CLEC10A: variants seen among roughly 807,000 people sequenced by gnomAD.
CLEC10A encodes C-type lectin domain family 10 member A.
A neutral mutation model predicts 42.0 loss-of-function variants in CLEC10A; 38 were observed. The ratio of observed to expected loss-of-function variants is 0.90; its 90% CI spans 0.70 to 1.18. The LOEUF (loss-of-function observed/expected upper bound fraction) is 1.18, where lower values mean the gene tolerates loss of function less well. Among genes scored for constraint, CLEC10A ranks in the 50% most tolerant of loss-of-function variants. CLEC10A has a pLI of 0.00. For synonymous variants in CLEC10A, 126 were observed against 139.9 expected, an observed-to-expected ratio of 0.90 and a Z score of 0.70; for missense variants, 298 against 345.9, an observed-to-expected ratio of 0.86 and a Z score of 1.10.
At chr17:7,075,312 G>A in intron 8 of CLEC10A, 48 bp downstream of exon 8, 3 of 1,506,526 alleles carry the variant, frequency 2.0e-6, no homozygotes, top group South Asian at 1.4e-5. Context: ...GATCCCTGGG[G>A]GAAACGCTGA....
intron 5 of CLEC10A, 107 bp downstream of exon 5, chr17:7,076,626 C>G (rs928662101): frequency 5.3e-6 from 7 of 1,313,200 alleles, no homozygotes; most frequent in Non-Finnish European, 7.7e-6. Flanking sequence ...TGCTGCCTTT[C>G]AAGCTGCTGG....
intron 3 of CLEC10A, 86 bp from the exon 4 acceptor site, chr17:7,077,073 T>C: frequency 3.2e-6 from 3 of 939,156 alleles, no homozygotes; most frequent in Non-Finnish European, 5.2e-6. Context: ...AAGCATTGCC[T>C]TATTGGGTCC....
At chr17:7,077,284 C>CG (rs1567745406) in intron 3 of CLEC10A, among the ~76,000 whole-genome samples, 2 of 112,784 alleles carry the variant, frequency 1.8e-5, no homozygotes, top group Non-Finnish European at 3.7e-5. Flanking sequence ...TCAGTGCCCC[C>CG]CCACCATTCC....
intron 2 of CLEC10A, 97 bp downstream of exon 2, chr17:7,078,649 C>T: frequency 1.7e-6 from 2 of 1,182,866 alleles, no homozygotes; most frequent in South Asian, 2.5e-5. Context: ...AGAGTTAGGA[C>T]CCACCAGTGC....
chr17:7,077,965 C>T, intron 3 of CLEC10A, 32 bp downstream of exon 3: 5 of 1,514,256 alleles, frequency 3.3e-6, no homozygotes, highest in Non-Finnish European at 4.6e-6. Context: ...CCCATTATTT[C>T]TCTCTTCCCT....
At position 7,075,405 on chromosome 17, in the gene CLEC10A, C is replaced by G; in HGVS notation, c.656G>C (p.Gly219Ala). 1 of 1,522,488 alleles carries G rather than the reference C, an allele frequency of 6.6e-7. No homozygotes were observed. Among genetic ancestry groups the G allele is most frequent in the Non-Finnish European group, 8.8e-7 (1 of 1,138,474 alleles). 94.3% of individuals were successfully genotyped at this position (1,522,488 alleles called of 1,614,324 possible). A position where few individuals can be genotyped will look rare whatever the true frequency, so the allele number is the denominator to read the frequency against. ...TGTTCCATCCACCCACTTCCAGGCT[C>G]CTTCAGGGTCACTGAGGCCCATCCA... The part of the protein sequence containing the change: ...YTWMGLSDPE[G>A]AWKWVDGTDY... Residue 219 changes from glycine (G) to alanine (A), a missense_variant, in exon 8 of 9, where the codon GGA (glycine) becomes GCA (alanine). Physicochemically the swap from Gly to Ala is moderately conservative, Grantham distance 60. Around this residue, in one of 3 missense-constraint regions of CLEC10A, gnomAD observed 267 missense variants for 289.5 expected, o/e 0.92. Transcript: ENST00000416562.
In CLEC10A at chr17:7,078,899, G is replaced by A. The variant is rs192519886; in HGVS notation, c.-73-14C>T. ...TCTGGGGTGGAGCTGGGGAATAGGA[G>A]GTTGGGACTAAGTTGGAGCCAAGGG... On this transcript the variant is annotated splice_polypyrimidine_tract_variant and intron_variant, in intron 1 of 8. Transcript: ENST00000416562. 1 of 1,286,048 alleles carries A rather than the reference G, an allele frequency of 7.8e-7. No homozygotes were observed. The highest frequency in any genetic ancestry group is 2.3e-5 in the East Asian group (1 of 43,316). The allele number at this position is 1,286,048 out of a possible 1,614,324, so 79.7% of individuals were successfully genotyped here. A position where few individuals can be genotyped will look rare whatever the true frequency, so the allele number is the denominator to read the frequency against.
intron 5 of CLEC10A, 39 bp downstream of exon 5, chr17:7,076,694 C>T (rs924443992): frequency 2.5e-6 from 4 of 1,604,238 alleles, no homozygotes; most frequent in East Asian, 4.5e-5. Flanking sequence ...TGTGTCTGAG[C>T]GCCTAGCCCC....
rs199974072 is a variant in CLEC10A at position 7,078,099 on chromosome 17, G to A, written c.82C>T (p.Gln28Ter). Residue 28 changes from glutamine (Q) to a stop codon, truncating the protein, a stop_gained, in exon 3 of 9, where the codon CAG becomes TAG. Transcript: ENST00000416562. LOFTEE classifies it high-confidence loss of function. ...GAGCAGAGACGCTGCAGGAGGGACT[G>A]GAGAGGAAGTGGCCCTGCAAGAGGA... The part of the protein sequence containing the change: ...QGFKNGPLPL[Q>*]SLLQRLCSGP... 1.1e-4 allele frequency: 172 copies of A among 1,613,116 alleles called. No homozygotes were observed. Among genetic ancestry groups the A allele is most frequent in the Non-Finnish European group, 1.2e-4 (146 of 1,179,396 alleles).
At position 7,075,976 on chromosome 17, in the gene CLEC10A, C is replaced by T; in HGVS notation, c.439+9G>A. 6.2e-7 allele frequency: 1 copy of T among 1,614,106 alleles called. No homozygotes were observed. The highest frequency in any genetic ancestry group is 8.5e-7 in the Non-Finnish European group (1 of 1,179,972). On this transcript the variant is annotated intron_variant, in intron 6 of 8. Transcript: ENST00000416562. ...AAGTAGGGCCAGGTACTCCCCATACCTTCCTCACCATTGTTGTTGAGAGTA... is the reference window on the plus strand; with the variant it reads ...AAGTAGGGCCAGGTACTCCCCATACTTTCCTCACCATTGTTGTTGAGAGTA...
At position 7,075,087 on chromosome 17, in the gene CLEC10A, A is replaced by G; in HGVS notation, c.837T>C (p.Ala279=). 1 of 1,594,452 alleles carries G rather than the reference A, an allele frequency of 6.3e-7. No homozygotes were observed. The highest frequency in any genetic ancestry group is 8.5e-7 in the Non-Finnish European group (1 of 1,174,554). ...TCTCCTGGCTGGTCTGACCCAGGCCAGCCTCGCAGACCCAGTGGTAGGGCC... is the reference window on the plus strand; with the variant it reads ...TCTCCTGGCTGGTCTGACCCAGGCCGGCCTCGCAGACCCAGTGGTAGGGCC... ...CQRPYHWVCE[A]GLGQTSQESH is the part of the protein sequence containing the mutation. Residue 279 remains alanine, a synonymous_variant, in exon 9 of 9, where the codon GCT becomes GCC. Transcript: ENST00000416562.
chr17:7,077,108 A>G, intron 3 of CLEC10A, 121 bp from the exon 4 acceptor site: 1 of 706,334 alleles, frequency 1.4e-6, no homozygotes, highest in Non-Finnish European at 2.5e-6. Flanking sequence ...TGGGGCAGGC[A>G]CTATTATTGT....
chr17:7,074,909 T>C lies in CLEC10A; in HGVS notation c.*145A>G. The C allele has an allele frequency of 1.8e-6, 1 of 559,378 alleles. No individual in the cohort carries two copies. The highest frequency in any genetic ancestry group is 5.9e-5 in the South Asian group (1 of 16,840). The allele number at this position is 559,378 out of a possible 1,614,324, so 34.7% of individuals were successfully genotyped here. ...GAACACTATACCATCTTTTTAAAATTAAAGAGAAAAAAATTCAAAATGTTA... is the reference window on the plus strand; with the variant it reads ...GAACACTATACCATCTTTTTAAAATCAAAGAGAAAAAAATTCAAAATGTTA... On this transcript the variant is annotated 3_prime_UTR_variant, in exon 9 of 9. Transcript: ENST00000416562.
chr17:7,075,280 G>A (rs1942056561), intron 8 of CLEC10A, 58 bp from the exon 9 acceptor site: 2 of 1,508,118 alleles, frequency 1.3e-6, no homozygotes, highest in Non-Finnish European at 1.8e-6. Context: ...ATTCAGTTCA[G>A]GGGAGGAGAG....
chr17:7,078,031 CAGG>C lies in CLEC10A; in HGVS notation c.147_149del (p.Leu52del), dbSNP rs761615233. On this transcript the variant is annotated inframe_deletion, in exon 3 of 9. Transcript: ENST00000416562. Reference sequence around the variant, plus strand: ...CAACCACACAGATGATGACCAGCAGCAGGAGGCCGAGGCCCAGGGACAGCAGGA... The same window carrying C: ...CAACCACACAGATGATGACCAGCAGCAGGCCGAGGCCCAGGGACAGCAGGA... The C allele has an allele frequency of 5.6e-6, 9 of 1,612,450 alleles. No individual in the cohort carries two copies. Among genetic ancestry groups the C allele is most frequent in the Non-Finnish European group, 7.6e-6 (9 of 1,178,856 alleles).
intron 3 of CLEC10A, 63 bp downstream of exon 3, chr17:7,077,934 A>G (rs1267694739): frequency 1.6e-6 from 2 of 1,266,536 alleles, no homozygotes; most frequent in East Asian, 2.3e-5. Flanking sequence ...CTACTGTAGC[A>G]CCCCATTATT....
chr17:7,076,693 G>A, intron 5 of CLEC10A, 40 bp downstream of exon 5: 1 of 1,605,820 alleles, frequency 6.2e-7, no homozygotes, highest in Non-Finnish European at 8.5e-7. Context: ...CTGTGTCTGA[G>A]CGCCTAGCCC....
chr17:7,078,016 G>T lies in CLEC10A; in HGVS notation c.165C>A (p.Ile55=), dbSNP rs139902883. ...LGLGLLLLVI[I]CVVGFQNSKF... The stretch of plus-strand genomic sequence containing the variant: ...CCTCACTTTGGAATCCAACCACACA[G>T]ATGATGACCAGCAGCAGGAGGCCGA... Residue 55 remains isoleucine (I), a synonymous_variant, in exon 3 of 9, where the codon ATC becomes ATA. Coordinates refer to ENST00000416562, the MANE Select transcript of CLEC10A (RefSeq NM_001330070.2). The T allele has an allele frequency of 3.1e-6, 5 of 1,613,332 alleles. No homozygotes were observed. Among genetic ancestry groups the T allele is most frequent in the South Asian group, 2.2e-5 (2 of 91,066 alleles).
At chr17:7,080,020 C>T (rs1219859188) in intron 1 of CLEC10A, 32 bp downstream of exon 1, 2 of 152,326 alleles carry the variant, frequency 1.3e-5, no homozygotes, top group African/African-American at 4.8e-5. Flanking sequence ...CCCCTGTCCC[C>T]TGGGTCTCAC....
Sources: allele counts gnomAD v4.1 joint callset (sites outside exome capture counted in the v4.1 genomes callset), GRCh38; gene constraint gnomAD v4.1.1; regional missense constraint gnomAD v4.1.1; transcripts MANE v1.5; gene names NCBI Gene and HGNC (gene_info 2026-07-23, HGNC 2026-07-21).